HS3ST3A1: variants seen among roughly 807,000 people sequenced by gnomAD.
HS3ST3A1 encodes heparan sulfate-glucosamine 3-sulfotransferase 3A1.
HS3ST3A1 carries 19 observed loss-of-function variants against 25.7 expected under a neutral mutation model. The observed-to-expected ratio is 0.74, with a 90% CI of 0.52 to 1.08. The LOEUF (loss-of-function observed/expected upper bound fraction) is 1.08, where lower values mean the gene tolerates loss of function less well. Ranked by LOEUF, HS3ST3A1 falls within the 50% of genes least tolerant of loss-of-function variation. The pLI is 0.00. For synonymous variants in HS3ST3A1, 226 were observed against 278.6 expected, an observed-to-expected ratio of 0.81 and a Z score of 1.88; for missense variants, 459 against 594.3, an observed-to-expected ratio of 0.77 and a Z score of 2.37.
chr17:13,549,007 C>T (rs1907169733), intron 1 of HS3ST3A1, among the ~76,000 whole-genome samples: 1 of 152,222 alleles, frequency 6.6e-6, no homozygotes, highest in Non-Finnish European at 1.5e-5. Context: ...CAGCGATCTG[C>T]TCCGGTCCCT....
chr17:13,511,178 A>G (rs1369936581), intron 1 of HS3ST3A1, among the ~76,000 whole-genome samples: 1 of 152,148 alleles, frequency 6.6e-6, no homozygotes, highest in Non-Finnish European at 1.5e-5. Flanking sequence ...TTGCATACAC[A>G]CACAAATTTA....
chr17:13,526,499 TA>T (rs1906431009), intron 1 of HS3ST3A1, among the ~76,000 whole-genome samples: 1 of 134,740 alleles, frequency 7.4e-6, no homozygotes, highest in East Asian at 2.1e-4. Context: ...TATATATATA[TA>T]TATATATATA....
At chr17:13,543,851 G>A (rs998668982) in intron 1 of HS3ST3A1, among the ~76,000 whole-genome samples, 2 of 152,174 alleles carry the variant, frequency 1.3e-5, no homozygotes, top group African/African-American at 2.4e-5. Context: ...CACAAAGAAT[G>A]TTGGACTACC....
chr17:13,593,249 A>C (rs1195463819), intron 1 of HS3ST3A1, among the ~76,000 whole-genome samples: 1 of 151,062 alleles, frequency 6.6e-6, no homozygotes, highest in Non-Finnish European at 1.5e-5. Flanking sequence ...AAAAAAAAAA[A>C]AAAAGTCATA....
chr17:13,582,914 A>G (rs1314312379), intron 1 of HS3ST3A1, among the ~76,000 whole-genome samples: 2 of 152,188 alleles, frequency 1.3e-5, no homozygotes, highest in Admixed American at 1.3e-4. Flanking sequence ...AGACTCAGTC[A>G]TTTGTTAATT....
chr17:13,528,534 G>T lies in HS3ST3A1; in HGVS notation c.600-31716C>A, dbSNP rs536660134. 2.6e-5 allele frequency among the ~76,000 whole-genome samples: 4 copies of T among 152,316 alleles called. No homozygotes were observed. The South Asian group carries it at 8.3e-4, about 32-fold the overall frequency. On this transcript the variant is annotated intron_variant, in intron 1 of 1. Transcript: ENST00000284110. ...CAGAGTTCCCCATTGGTCTGGCAGA[G>T]ACTGTCAGGTCTGCATGAGGGTCTA...
chr17:13,577,585 C>A (rs928712263), intron 1 of HS3ST3A1, among the ~76,000 whole-genome samples: 1 of 152,076 alleles, frequency 6.6e-6, no homozygotes, highest in Non-Finnish European at 1.5e-5. Flanking sequence ...TAATCCAGGA[C>A]AGAATACATA....
At position 13,600,878 on chromosome 17, in the gene HS3ST3A1, C is replaced by A. The variant is rs1001688256; in HGVS notation, c.252G>T (p.Ala84=). The A allele has an allele frequency of 8.2e-6, 12 of 1,465,794 alleles. No homozygotes were observed. The highest frequency in any genetic ancestry group is 9.8e-6 in the Non-Finnish European group (11 of 1,117,086). The allele number at this position is 1,465,794 out of a possible 1,614,324, so 90.8% of individuals were successfully genotyped here. Residue 84 remains alanine, a synonymous_variant, in exon 1 of 2, where the codon GCG becomes GCT. Coordinates refer to ENST00000284110, the MANE Select transcript of HS3ST3A1 (RefSeq NM_006042.3). ...GTTGCAGGAGGCGCTTTCTCTGTGC[C>A]GCCGCCGGCCACACCGCCAGCTCCC... ...GPRELAVWPA[A]AQRKRLLQLP...
At chr17:13,571,705 T>C (rs948701171) in intron 1 of HS3ST3A1, among the ~76,000 whole-genome samples, 9 of 152,342 alleles carry the variant, frequency 5.9e-5, no homozygotes, top group Admixed American at 4.6e-4. Flanking sequence ...AGATGAGTTT[T>C]CACTATAAAA....
chr17:13,531,005 T>G (rs1906588687), intron 1 of HS3ST3A1, among the ~76,000 whole-genome samples: 1 of 152,156 alleles, frequency 6.6e-6, no homozygotes, highest in Admixed American at 6.5e-5. Flanking sequence ...CTATTGAGTG[T>G]TTCCATTTGA....
At chr17:13,501,881 C>G (rs1266527279) in intron 1 of HS3ST3A1, among the ~76,000 whole-genome samples, 2 of 152,192 alleles carry the variant, frequency 1.3e-5, no homozygotes, top group African/African-American at 4.8e-5. Flanking sequence ...GTCATTCAGA[C>G]AGTGAGGATG....
intron 1 of HS3ST3A1, among the ~76,000 whole-genome samples, chr17:13,534,577 A>G (rs947536167): frequency 7.0e-6 from 1 of 142,942 alleles, no homozygotes; most frequent in Admixed American, 7.1e-5. Context: ...AAAAAAAAAA[A>G]GTTAGCCGGG....
At chr17:13,522,635 A>G (rs1208286894) in intron 1 of HS3ST3A1, among the ~76,000 whole-genome samples, 1 of 152,176 alleles carries the variant, frequency 6.6e-6, no homozygotes, top group Non-Finnish European at 1.5e-5. Flanking sequence ...GTGTATTTAA[A>G]TCTCACTTTA....
At chr17:13,542,047 G>T (rs1906949587) in intron 1 of HS3ST3A1, among the ~76,000 whole-genome samples, 1 of 152,170 alleles carries the variant, frequency 6.6e-6, no homozygotes, top group Admixed American at 6.5e-5. Flanking sequence ...TAAATGAGGG[G>T]TCGGGCACAG....
At chr17:13,562,136 T>G (rs1907565654) in intron 1 of HS3ST3A1, among the ~76,000 whole-genome samples, 1 of 152,146 alleles carries the variant, frequency 6.6e-6, no homozygotes, top group Non-Finnish European at 1.5e-5. Context: ...CTTCTTTCCC[T>G]TCTCCCCATG....
chr17:13,564,159 T>G (rs1907619295), intron 1 of HS3ST3A1, among the ~76,000 whole-genome samples: 1 of 152,198 alleles, frequency 6.6e-6, no homozygotes. Flanking sequence ...ATATTTTTTC[T>G]GTACTCTGAA....
chr17:13,498,386 C>T (rs1214333535), intron 1 of HS3ST3A1, among the ~76,000 whole-genome samples: 1 of 152,172 alleles, frequency 6.6e-6, no homozygotes, highest in East Asian at 1.9e-4. Flanking sequence ...TTCAATCCTA[C>T]TCTTACCAAA....
At chr17:13,571,632 T>C (rs1451161193) in intron 1 of HS3ST3A1, among the ~76,000 whole-genome samples, 1 of 152,222 alleles carries the variant, frequency 6.6e-6, no homozygotes, top group African/African-American at 2.4e-5. Flanking sequence ...GATAGGTAGA[T>C]GGAAACATAT....
intron 1 of HS3ST3A1, among the ~76,000 whole-genome samples, chr17:13,535,145 A>T (rs1906732819): frequency 6.6e-6 from 1 of 152,250 alleles, no homozygotes; most frequent in African/African-American, 2.4e-5. Context: ...ATTTTGTCAA[A>T]TGCTCAAATC....
Sources: allele counts gnomAD v4.1 joint callset (sites outside exome capture counted in the v4.1 genomes callset), GRCh38; gene constraint gnomAD v4.1.1; transcripts MANE v1.5; gene names NCBI Gene and HGNC (gene_info 2026-07-23, HGNC 2026-07-21).